Variants in CACNA1C observed in about 807,000 individuals in gnomAD.
CACNA1C encodes the protein voltage-dependent L-type calcium channel subunit alpha-1C.
CACNA1C carries 30 observed loss-of-function variants against 229.0 expected under a neutral mutation model. The observed-to-expected ratio is 0.13, with a 90% CI of 0.10 to 0.18. The LOEUF (loss-of-function observed/expected upper bound fraction) is 0.18, where lower values mean the gene tolerates loss of function less well. Among genes scored for constraint, CACNA1C ranks in the 10% least tolerant of loss-of-function variants. The pLI, the probability that CACNA1C is intolerant of heterozygous loss-of-function variation, is 1.00. For synonymous variants in CACNA1C, 1,114 were observed against 1,132.5 expected (o/e 0.98, Z 0.33); for missense variants, 1,658 against 2,845.0 (o/e 0.58, Z 9.49).
At chr12:2,317,429 G>A (rs1302250218) in intron 3 of CACNA1C, among the ~76,000 whole-genome samples, 1 of 152,204 alleles carries the variant, frequency 6.6e-6, no homozygotes, top group East Asian at 1.9e-4. Context: ...CTATTTGTAT[G>A]AAGTGCCTAG....
intron 3 of CACNA1C, among the ~76,000 whole-genome samples, chr12:2,236,545 T>C (rs1566588086): frequency 6.6e-6 from 1 of 152,220 alleles, no homozygotes; most frequent in Non-Finnish European, 1.5e-5. Context: ...GTCCCCCTTT[T>C]TCGTATCTTT....
chr12:2,602,407 G>A lies in CACNA1C; in HGVS notation c.2960+447G>A, dbSNP rs2072912665. 6.6e-6 allele frequency among the ~76,000 whole-genome samples: 1 copy of A among 152,012 alleles called. No homozygotes were observed. The highest frequency in any genetic ancestry group is 2.4e-5 in the African/African-American group (1 of 41,348). On this transcript the variant is annotated intron_variant, in intron 22 of 46. Coordinates refer to ENST00000399655, the MANE Select transcript of CACNA1C (RefSeq NM_000719.7). This position sits in a 1 kb window ranked among gnomAD's most constrained non-coding sequence, Gnocchi z 4.4. The stretch of plus-strand genomic sequence containing the variant: ...TGTATGAGTGTATGTGTGAATGTGT[G>A]TATATATATGTCTGTGTAAGTGTGG...
In CACNA1C at chr12:2,525,395, A is replaced by G. The variant is rs562354307; in HGVS notation, c.1390+12411A>G. 6.6e-5 allele frequency among the ~76,000 whole-genome samples: 10 copies of G among 152,260 alleles called. No individual in the cohort carries two copies. The East Asian group carries it at 1.9e-3, about 29-fold the overall frequency. ...GGCAGGCCCTGAACACCTATCCTGG[A>G]GGCTCCAGGATAAACACCTTGTGCT... On this transcript the variant is annotated intron_variant, in intron 9 of 46. Transcript: ENST00000399655.
At chr12:2,153,772 G>GAT (rs2095415564) in intron 3 of CACNA1C, among the ~76,000 whole-genome samples, 1 of 152,184 alleles carries the variant, frequency 6.6e-6, no homozygotes. Flanking sequence ...CTTCCTGGGA[G>GAT]ATGGAGCAAA....
Position 2,021,253 on chromosome 12 carries a change from A to C in CACNA1C, c.139+50052A>C, listed in dbSNP as rs143151047. 2.0e-3 allele frequency among the ~76,000 whole-genome samples: 299 copies of C among 152,276 alleles called. 1 individual carries two copies. The highest frequency in any genetic ancestry group is 7.0e-3 in the African/African-American group (291 of 41,530). ...AGCTGAGGCTCAGAGAGCTTAAATA[A>C]CTTGCTCAGGGTCACCTACACTATA... On this transcript the variant is annotated intron_variant, in intron 1 of 46. Coordinates refer to the CACNA1C transcript ENST00000682462.
intron 29 of CACNA1C, among the ~76,000 whole-genome samples, chr12:2,618,175 C>T (rs762364096): frequency 6.6e-6 from 1 of 152,174 alleles, no homozygotes; most frequent in Non-Finnish European, 1.5e-5. Flanking sequence ...CTGACATTCC[C>T]CTGGCAGGTG....
rs201258230 is a variant in CACNA1C at position 2,611,965 on chromosome 12, C to A, written c.3780C>A (p.Gly1260=). 1.6e-3 allele frequency: 2,598 copies of A among 1,613,512 alleles called. 10 individuals are homozygous for A. The highest frequency in any genetic ancestry group is 5.1e-3 in the Middle Eastern group (31 of 6,058). ...AMNILNMLFT[G]LFTVEMILKL... ...ACATCCTCAACATGCTCTTCACTGG[C>A]CTCTTCACCGTGGAGATGATCCTGA... Residue 1260 remains glycine, a synonymous_variant, in exon 29 of 47, where the codon GGC becomes GGA. Coordinates refer to ENST00000399655, the MANE Select transcript of CACNA1C (RefSeq NM_000719.7).
At chr12:2,471,041 A>G (rs756867225) in intron 5 of CACNA1C, among the ~76,000 whole-genome samples, 7 of 152,226 alleles carry the variant, frequency 4.6e-5, no homozygotes, top group Admixed American at 1.3e-4. Context: ...CATGTTGGCC[A>G]GGCAGGTCTT....
intron 5 of CACNA1C, among the ~76,000 whole-genome samples, chr12:2,457,907 G>A (rs536411169): frequency 2.0e-5 from 3 of 152,280 alleles, no homozygotes; most frequent in African/African-American, 4.8e-5. Context: ...TGGTCCCAGC[G>A]CCTGGAAACT....
intron 7 of CACNA1C, among the ~76,000 whole-genome samples, chr12:2,503,643 G>C (rs900124810): frequency 6.6e-6 from 1 of 152,188 alleles, no homozygotes; most frequent in African/African-American, 2.4e-5. Flanking sequence ...AACGAACACG[G>C]AGCTGGGAAG....
At chr12:2,680,230 C>A in intron 42 of CACNA1C, 2 of 631,788 alleles carry the variant, frequency 3.2e-6, no homozygotes, top group African/African-American at 2.1e-5. Context: ...CCGGAGAGGG[C>A]ATCCCCTGTG....
chr12:2,598,746 C>A (rs2153383479), intron 21 of CACNA1C, among the ~76,000 whole-genome samples: 1 of 152,322 alleles, frequency 6.6e-6, no homozygotes, highest in African/African-American at 2.4e-5. Flanking sequence ...TCAGTCACAT[C>A]CAGATACAAA....
chr12:2,183,435 A>C (rs2096901391), intron 3 of CACNA1C, among the ~76,000 whole-genome samples: 1 of 152,164 alleles, frequency 6.6e-6, no homozygotes, highest in Admixed American at 6.5e-5. Context: ...CCTTCTCTAG[A>C]GATTCTATTT....
intron 3 of CACNA1C, among the ~76,000 whole-genome samples, chr12:2,433,521 A>G (rs1488269918): frequency 6.6e-6 from 1 of 152,040 alleles, no homozygotes; most frequent in Admixed American, 6.5e-5. Flanking sequence ...TCATCCATTC[A>G]CCCACCCATT....
At chr12:2,112,443 G>A (rs4078218) in intron 1 of CACNA1C, among the ~76,000 whole-genome samples, 104,157 of 151,342 alleles carry the variant, frequency 0.69, 36,031 homozygotes, top group East Asian at 0.73. Context: ...CCGTGAGCCT[G>A]ATGTTCTGTT....
At chr12:2,202,204 G>A (rs1197444096) in intron 3 of CACNA1C, among the ~76,000 whole-genome samples, 2 of 152,202 alleles carry the variant, frequency 1.3e-5, no homozygotes, top group Non-Finnish European at 2.9e-5. Context: ...TTAAAGAACA[G>A]CCAGTTCAGT....
At chr12:2,266,013 A>G (rs978225763) in intron 3 of CACNA1C, among the ~76,000 whole-genome samples, 7 of 152,234 alleles carry the variant, frequency 4.6e-5, no homozygotes, top group African/African-American at 1.7e-4. Context: ...ATCTGATGAG[A>G]TAAATGCCTC....
chr12:2,434,188 G>A (rs546028635), intron 3 of CACNA1C, among the ~76,000 whole-genome samples: 1 of 152,182 alleles, frequency 6.6e-6, no homozygotes, highest in African/African-American at 2.4e-5. Context: ...TGTATAGGTT[G>A]TTTGTCAAGC....
intron 43 of CACNA1C, 139 bp from the exon 44 acceptor site, chr12:2,685,597 C>T (rs1010605256): frequency 1.2e-5 from 8 of 672,174 alleles, no homozygotes; most frequent in Non-Finnish European, 2.2e-5. Context: ...GGTGGCAATT[C>T]CCCAAACCTG....
Sources: gnomAD v4.1 joint callset for allele counts (sites outside exome capture counted in the v4.1 genomes callset) on GRCh38, gnomAD v4.1.1 for gene constraint, Gnocchi (gnomAD v3.1) non-coding constraint, MANE v1.5 for transcripts, NCBI Gene and HGNC (gene_info 2026-07-23, HGNC 2026-07-21) for gene names.